LRRC7: variants seen among roughly 807,000 people sequenced by gnomAD.
LRRC7 encodes leucine-rich repeat-containing protein 7.
LRRC7 carries 23 observed loss-of-function variants against 175.7 expected under a neutral mutation model. That is an observed-to-expected ratio of 0.13 (90% confidence interval 0.09 to 0.19). LRRC7 has a LOEUF of 0.19. LRRC7 is among the 10% of genes least tolerant of loss of function. The pLI is 1.00. For synonymous variants in LRRC7, 685 were observed against 680.9 expected, an observed-to-expected ratio of 1.01 and a Z score of -0.09; for missense variants, 1,354 against 1,904.7, an observed-to-expected ratio of 0.71 and a Z score of 5.38.
At chr1:69,916,046 ATATATTTTATATG>A (rs1188383570) in intron 7 of LRRC7, among the ~76,000 whole-genome samples, 1 of 83,682 alleles carries the variant, frequency 1.2e-5, no homozygotes, top group African/African-American at 4.5e-5. Context: ...AAATTTATAT[ATATATTTTATATG>A]TATATTTTAT....
intron 2 of LRRC7, among the ~76,000 whole-genome samples, chr1:69,695,586 G>T (rs572950390): frequency 2.0e-5 from 3 of 152,154 alleles, no homozygotes; most frequent in East Asian, 3.9e-4. Context: ...GGGAAAAAAG[G>T]CCTGAAAGGC....
intron 7 of LRRC7, among the ~76,000 whole-genome samples, chr1:69,915,664 T>C (rs1557883485): frequency 1.3e-5 from 2 of 152,038 alleles, no homozygotes; most frequent in Non-Finnish European, 2.9e-5. Context: ...GTACTGGCCA[T>C]CTGAAATTTT....
intron 24 of LRRC7, among the ~76,000 whole-genome samples, chr1:70,086,440 CAT>C (rs1663616787): frequency 6.6e-6 from 1 of 152,124 alleles, no homozygotes; most frequent in South Asian, 2.1e-4. Context: ...ACTACTACTG[CAT>C]ATGTTTTCGG....
intron 2 of LRRC7, among the ~76,000 whole-genome samples, chr1:69,717,802 GAA>G (rs1184139481): frequency 5.8e-4 from 12 of 20,652 alleles, no homozygotes; most frequent in Admixed American, 1.3e-3. Context: ...AAGAAAGAAA[GAA>G]AGAAAGAAAG....
Position 69,790,865 on chromosome 1 carries a change from C to T in LRRC7, c.304-1178C>T, listed in dbSNP as rs894549221. ...CACTACATGAAGTGTTACGAATAGTCTTTGTAAGGCACCAAACATGACCCA... is the reference window on the plus strand; with the variant it reads ...CACTACATGAAGTGTTACGAATAGTTTTTGTAAGGCACCAAACATGACCCA... On this transcript the variant is annotated intron_variant, in intron 3 of 26. Transcript: ENST00000651989. Among the ~76,000 whole-genome samples, 6 of 152,044 alleles carry T rather than the reference C, an allele frequency of 3.9e-5. No homozygotes were observed. In the East Asian group the frequency reaches 1.2e-3, roughly 29 times the overall value.
At chr1:69,887,838 A>G (rs959479958) in intron 7 of LRRC7, among the ~76,000 whole-genome samples, 5 of 147,176 alleles carry the variant, frequency 3.4e-5, no homozygotes, top group Non-Finnish European at 7.4e-5. Flanking sequence ...CTTCTAACAG[A>G]CAGGACCCTC....
chr1:70,063,434 A>G (rs928336678), intron 23 of LRRC7, among the ~76,000 whole-genome samples: 1 of 152,076 alleles, frequency 6.6e-6, no homozygotes, highest in Admixed American at 6.6e-5. Context: ...GATGATTGAG[A>G]CTGGTATTAC....
intron 9 of LRRC7, among the ~76,000 whole-genome samples, chr1:69,985,006 GCTGTTCTCCCTT>G (rs1249027321): frequency 6.6e-6 from 1 of 152,140 alleles, no homozygotes; most frequent in East Asian, 1.9e-4. Flanking sequence ...AAAGGCACGT[GCTGTTCTCCCTT>G]CCAGGTACAG....
intron 1 of LRRC7, among the ~76,000 whole-genome samples, chr1:69,652,618 T>A (rs1354491774): frequency 6.6e-6 from 1 of 151,994 alleles, no homozygotes; most frequent in African/African-American, 2.4e-5. Flanking sequence ...TGTGTAATTG[T>A]TTTTTCAATT....
chr1:69,890,120 G>A (rs985589290), intron 7 of LRRC7, among the ~76,000 whole-genome samples: 3 of 152,132 alleles, frequency 2.0e-5, no homozygotes, highest in Admixed American at 6.5e-5. Flanking sequence ...GCTGTTAATG[G>A]CATCTAGAAT....
chr1:69,982,179 T>G (rs1378999251), intron 9 of LRRC7, among the ~76,000 whole-genome samples: 1 of 152,244 alleles, frequency 6.6e-6, no homozygotes, highest in East Asian at 1.9e-4. Context: ...GGATGAAATC[T>G]TCCATAAAAC....
At chr1:69,640,024 T>G (rs752089989) in intron 1 of LRRC7, among the ~76,000 whole-genome samples, 4 of 151,804 alleles carry the variant, frequency 2.6e-5, no homozygotes, top group Non-Finnish European at 5.9e-5. Flanking sequence ...TGCCATTGTC[T>G]ACTTGATCTG....
intron 5 of LRRC7, among the ~76,000 whole-genome samples, chr1:69,833,763 G>A (rs1174630681): frequency 6.6e-6 from 1 of 152,048 alleles, no homozygotes; most frequent in Non-Finnish European, 1.5e-5. Flanking sequence ...TTGGAACTTA[G>A]GAGGTCAGTG....
At chr1:70,011,734 C>A in intron 11 of LRRC7, 63 bp from the exon 12 acceptor site, 1 of 1,207,618 alleles carries the variant, frequency 8.3e-7, no homozygotes, top group Non-Finnish European at 1.2e-6. Context: ...GGATATGTGG[C>A]TTTTTCAAAA....
intron 1 of LRRC7, among the ~76,000 whole-genome samples, chr1:69,589,982 T>A (rs993709058): frequency 1.3e-5 from 2 of 152,212 alleles, no homozygotes; most frequent in African/African-American, 4.8e-5. Context: ...AATTCAAGCC[T>A]GAGCAATAGC....
chr1:70,067,086 A>G (rs1287644918), intron 23 of LRRC7, among the ~76,000 whole-genome samples: 1 of 152,082 alleles, frequency 6.6e-6, no homozygotes, highest in South Asian at 2.1e-4. Flanking sequence ...CCTCTTTGGT[A>G]AAATGTCTCT....
At chr1:69,782,292 T>C (rs555751250) in intron 3 of LRRC7, among the ~76,000 whole-genome samples, 5 of 152,206 alleles carry the variant, frequency 3.3e-5, no homozygotes, top group Non-Finnish European at 7.3e-5. Flanking sequence ...GTTCCACACT[T>C]TCCGTACTGC....
intron 5 of LRRC7, among the ~76,000 whole-genome samples, chr1:69,827,789 T>C (rs762286695): frequency 2.0e-5 from 3 of 151,974 alleles, no homozygotes; most frequent in Non-Finnish European, 4.4e-5. Context: ...CAGTGAACCA[T>C]GATCATGCCC....
intron 7 of LRRC7, among the ~76,000 whole-genome samples, chr1:69,916,065 T>TATATACATA (rs1467560622): frequency 4.7e-5 from 6 of 127,964 alleles, no homozygotes; most frequent in Non-Finnish European, 9.7e-5. Context: ...ATATGTATAT[T>TATATACATA]TTATATATAT....
Sources: gnomAD v4.1 joint callset for allele counts (sites outside exome capture counted in the v4.1 genomes callset) on GRCh38, gnomAD v4.1.1 for gene constraint, MANE v1.5 for transcripts, NCBI Gene and HGNC (gene_info 2026-07-23, HGNC 2026-07-21) for gene names.